PTK7: variants seen among roughly 807,000 people sequenced by gnomAD.
The protein encoded by PTK7 is protein tyrosine kinase 7 (inactive).
Under a neutral mutation model 116.6 loss-of-function variants are expected in PTK7, and 39 were observed. The ratio of observed to expected loss-of-function variants is 0.33; its 90% CI spans 0.26 to 0.44. The LOEUF is 0.44. Among genes scored for constraint, PTK7 ranks in the 20% least tolerant of loss-of-function variants. PTK7 has a pLI of 1.00. For synonymous variants in PTK7, 546 were observed against 563.6 expected, an observed-to-expected ratio of 0.97 and a Z score of 0.44; for missense variants, 1,169 against 1,425.6, an observed-to-expected ratio of 0.82 and a Z score of 2.90.
chr6:43,158,303 GAAA>G (rs1171676778), intron 17 of PTK7, among the ~76,000 whole-genome samples: 2 of 131,952 alleles, frequency 1.5e-5, no homozygotes, highest in African/African-American at 5.6e-5. Context: ...CGTCTCAAAA[GAAA>G]AAAAAAAAAA....
At chr6:43,117,842 A>G (rs1768649245) in intron 1 of PTK7, among the ~76,000 whole-genome samples, 1 of 151,876 alleles carries the variant, frequency 6.6e-6, no homozygotes, top group South Asian at 2.1e-4. Flanking sequence ...AGGCTGAGGC[A>G]GGAGAGATGC....
chr6:43,102,234 G>A (rs1277830144), intron 1 of PTK7, among the ~76,000 whole-genome samples: 2 of 152,136 alleles, frequency 1.3e-5, no homozygotes, highest in Admixed American at 6.6e-5. Context: ...AGACCAGCCC[G>A]ACCAATACAG....
chr6:43,133,616 G>C (rs1475283871), intron 7 of PTK7: 1 of 151,982 alleles, frequency 6.6e-6, no homozygotes, highest in Non-Finnish European at 1.5e-5. Flanking sequence ...ACAGGCATAG[G>C]GATTTATTTG....
chr6:43,079,496 G>A lies in PTK7; in HGVS notation c.79+2929G>A, dbSNP rs1483115209. 1.7e-4 allele frequency among the ~76,000 whole-genome samples: 24 copies of A among 139,222 alleles called. No individual in the cohort carries two copies. In the East Asian group the frequency reaches 2.2e-3, roughly 13 times the overall value. 91.3% of individuals were successfully genotyped at this position (139,222 alleles called of 152,430 possible). A position where few individuals can be genotyped will look rare whatever the true frequency, so the allele number is the denominator to read the frequency against. On this transcript the variant is annotated intron_variant, in intron 1 of 19. Coordinates refer to ENST00000230419, the MANE Select transcript of PTK7 (RefSeq NM_002821.5). The stretch of plus-strand genomic sequence containing the variant: ...AGCTTGGGTGACAGAGCGAGACTCC[G>A]TCTCAAAAAAAAAAAAAAATCCAAG...
chr6:43,140,297 C>T (rs944216549), intron 10 of PTK7, among the ~76,000 whole-genome samples: 8 of 151,676 alleles, frequency 5.3e-5, no homozygotes, highest in African/African-American at 1.7e-4. Flanking sequence ...ACTGAAAATA[C>T]AAAAAATTAG....
At chr6:43,160,638 T>C (rs1561993739) in intron 19 of PTK7, 83 bp from the exon 20 acceptor site, 1 of 1,540,092 alleles carries the variant, frequency 6.5e-7, no homozygotes, top group East Asian at 2.3e-5. Flanking sequence ...GGGTGGCTGC[T>C]TGTATAAACT....
In PTK7 at chr6:43,160,911, A is replaced by G; in HGVS notation, c.*30A>G. The G allele has an allele frequency of 1.2e-6, 2 of 1,609,430 alleles. No homozygotes were observed. The highest frequency in any genetic ancestry group is 8.5e-7 in the Non-Finnish European group (1 of 1,178,338). On this transcript the variant is annotated 3_prime_UTR_variant, in exon 20 of 20. Transcript: ENST00000230419. ...GGAGCCCGCTCAGGATGGCCTGGGCAGGGGAGGACATCTCTAGAGGGAAGC... is the reference window on the plus strand; with the variant it reads ...GGAGCCCGCTCAGGATGGCCTGGGCGGGGGAGGACATCTCTAGAGGGAAGC...
chr6:43,157,364 A>ATATATATATTTTTTTTTTT (rs70990168), intron 17 of PTK7, among the ~76,000 whole-genome samples: 1 of 54,366 alleles, frequency 1.8e-5, no homozygotes, highest in African/African-American at 7.2e-5. Flanking sequence ...ATATATATAT[A>ATATATATATTTTTTTTTTT]TTTTTTTTTT....
chr6:43,132,437 G>A lies in PTK7; in HGVS notation c.978G>A (p.Pro326=), dbSNP rs61739218. The A allele has an allele frequency of 2.5e-3, 3,926 of 1,579,458 alleles. 7 individuals carry two copies. The highest frequency in any genetic ancestry group is 3.2e-3 in the Non-Finnish European group (3,710 of 1,157,494). The change falls in exon 7 of 20, where the codon CCG becomes CCA. Residue 326 remains proline, a synonymous_variant. Transcript: ENST00000230419. The part of the protein sequence containing the change: ...TLHLAEIEDM[P]LFEPRVFTAG... ...TCCTTGCAGAGATTGAAGACATGCC[G>A]CTATTTGAGCCACGGGTGTTTACAG...
chr6:43,144,346 G>T, intron 14 of PTK7, 105 bp from the exon 15 acceptor site: 17 of 1,367,400 alleles, frequency 1.2e-5, no homozygotes, highest in Non-Finnish European at 1.2e-5. Context: ...CACTGTGATT[G>T]GACCCAAGTT....
intron 18 of PTK7, 188 bp from the exon 19 acceptor site, chr6:43,159,600 G>C: frequency 1.6e-6 from 1 of 608,222 alleles, no homozygotes; most frequent in Non-Finnish European, 2.9e-6. Context: ...CAAACCTCTC[G>C]TGTGGTTACC....
chr6:43,157,614 C>T (rs1319939386), intron 17 of PTK7, among the ~76,000 whole-genome samples: 1 of 151,734 alleles, frequency 6.6e-6, no homozygotes, highest in Non-Finnish European at 1.5e-5. Flanking sequence ...GGCATGGTGC[C>T]ACTCACCTGA....
chr6:43,081,177 GTC>G (rs1463886189), intron 1 of PTK7, among the ~76,000 whole-genome samples: 1 of 151,996 alleles, frequency 6.6e-6, no homozygotes, highest in Non-Finnish European at 1.5e-5. Flanking sequence ...GCCTTCTCCT[GTC>G]TCTCTGTTGC....
chr6:43,125,943 G>T (rs868243539), intron 1 of PTK7, among the ~76,000 whole-genome samples: 1 of 152,064 alleles, frequency 6.6e-6, no homozygotes, highest in Non-Finnish European at 1.5e-5. Flanking sequence ...GCTGAGCGAG[G>T]AAGTGGGGGC....
At position 43,129,899 on chromosome 6, in the gene PTK7, C is replaced by A; in HGVS notation, c.470+70C>A. 1 of 1,438,344 alleles carries A rather than the reference C, an allele frequency of 7.0e-7. No individual in the cohort carries two copies. The highest frequency in any genetic ancestry group is 1.2e-5 in the South Asian group (1 of 85,140). The allele number at this position is 1,438,344 out of a possible 1,614,324, so 89.1% of individuals were successfully genotyped here. Reference sequence around the variant, plus strand: ...GGGATGTCTCCCCAAATCTTGGACTCTATGCGGATGTTACCTCGCTCCATT... The same window carrying A: ...GGGATGTCTCCCCAAATCTTGGACTATATGCGGATGTTACCTCGCTCCATT... On this transcript the variant is annotated intron_variant, in intron 3 of 19. Transcript: ENST00000230419. The surrounding 1 kb of genome is among the most constrained non-coding windows in gnomAD (Gnocchi z 4.5).
At chr6:43,160,113 G>T (rs1771760281) in intron 19 of PTK7, 147 bp downstream of exon 19, 2 of 833,096 alleles carry the variant, frequency 2.4e-6, no homozygotes, top group Middle Eastern at 3.3e-4. Flanking sequence ...TTAAAATACT[G>T]CAATACTTTG....
At chr6:43,104,196 CAGTA>C (rs771700751) in intron 1 of PTK7, among the ~76,000 whole-genome samples, 9 of 151,906 alleles carry the variant, frequency 5.9e-5, no homozygotes, top group Non-Finnish European at 1.2e-4. Context: ...AATAAGGTAA[CAGTA>C]AGGAAAATAA....
chr6:43,160,173 T>A (rs1771764849), intron 19 of PTK7, among the ~76,000 whole-genome samples: 2 of 152,224 alleles, frequency 1.3e-5, no homozygotes, highest in African/African-American at 4.8e-5. Flanking sequence ...TGGAGTGCAG[T>A]GGCCCGATCT....
chr6:43,137,022 A>C (rs1216541101), intron 7 of PTK7, among the ~76,000 whole-genome samples: 1 of 152,154 alleles, frequency 6.6e-6, no homozygotes, highest in Non-Finnish European at 1.5e-5. Flanking sequence ...AAAAAGAAAT[A>C]AACTCTACCT....
Sources: gnomAD v4.1 joint callset for allele counts (sites outside exome capture counted in the v4.1 genomes callset) on GRCh38, gnomAD v4.1.1 for gene constraint, Gnocchi (gnomAD v3.1) non-coding constraint, MANE v1.5 for transcripts, NCBI Gene and HGNC (gene_info 2026-07-23, HGNC 2026-07-21) for gene names.